The following SLC39A12 variants were observed in gnomAD, a reference collection of about 807,000 sequenced individuals.
The protein encoded by SLC39A12 is zinc transporter ZIP12.
Under a neutral mutation model 71.1 loss-of-function variants are expected in SLC39A12, and 63 were observed. The ratio of observed to expected loss-of-function variants is 0.89; its 90% CI spans 0.72 to 1.09. SLC39A12 has a LOEUF of 1.09. SLC39A12 is among the 50% of genes least tolerant of loss of function. The probability of loss-of-function intolerance (pLI) is 0.00; values close to 1 mark genes in which losing one functional copy is unlikely to be tolerated. For missense variants in SLC39A12, 892 were observed against 812.6 expected, an observed-to-expected ratio of 1.10 and a Z score of -1.19; for synonymous variants, 351 against 301.3, an observed-to-expected ratio of 1.16 and a Z score of -1.71.
intron 4 of SLC39A12, among the ~76,000 whole-genome samples, chr10:17,969,001 T>C (rs569209247): frequency 6.6e-6 from 1 of 152,292 alleles, no homozygotes; most frequent in East Asian, 1.9e-4. Flanking sequence ...GTTTGATTGT[T>C]TTGATTTTTA....
chr10:17,991,412 G>A lies in SLC39A12; in HGVS notation c.1422+109G>A, dbSNP rs925122382. 7 of 817,474 alleles carry A rather than the reference G, an allele frequency of 8.6e-6. No individual in the cohort carries two copies. In the African/African-American group the frequency reaches 1.1e-4, roughly 13 times the overall value. 50.6% of individuals were successfully genotyped at this position (817,474 alleles called of 1,614,324 possible). ...TAATGAAGTTGCCTGTGTAAGGGATGTCTAATGGAATGCTGATTTCAAGAA... is the reference window on the plus strand; with the variant it reads ...TAATGAAGTTGCCTGTGTAAGGGATATCTAATGGAATGCTGATTTCAAGAA... On this transcript the variant is annotated intron_variant, in intron 8 of 12. Coordinates refer to ENST00000377369, the MANE Select transcript of SLC39A12 (RefSeq NM_001145195.2).
chr10:18,009,304 A>T (rs1836131594), intron 12 of SLC39A12, among the ~76,000 whole-genome samples: 1 of 152,136 alleles, frequency 6.6e-6, no homozygotes, highest in African/African-American at 2.4e-5. Context: ...ACCCAAGCTG[A>T]TGGAGGAGCT....
chr10:18,037,289 G>T (rs773948522), intron 12 of SLC39A12, among the ~76,000 whole-genome samples: 7 of 152,168 alleles, frequency 4.6e-5, no homozygotes, highest in Admixed American at 2.6e-4. Flanking sequence ...ATGAAGTGCA[G>T]TGACATTTTT....
chr10:17,957,038 A>C (rs1353302531), intron 2 of SLC39A12, among the ~76,000 whole-genome samples: 5 of 152,178 alleles, frequency 3.3e-5, no homozygotes, highest in African/African-American at 1.2e-4. Flanking sequence ...CACCTTATAG[A>C]AACCTGAGAA....
chr10:17,984,544 T>C (rs997161465), intron 6 of SLC39A12, among the ~76,000 whole-genome samples: 1 of 152,204 alleles, frequency 6.6e-6, no homozygotes, highest in Non-Finnish European at 1.5e-5. Flanking sequence ...TTAATTTATG[T>C]AATAAATGAA....
intron 2 of SLC39A12, among the ~76,000 whole-genome samples, chr10:17,956,920 C>T (rs578254504): frequency 6.6e-6 from 1 of 152,254 alleles, no homozygotes; most frequent in Admixed American, 6.5e-5. Flanking sequence ...CAGTACCTGC[C>T]ATCGGCAACA....
Position 18,042,865 on chromosome 10 carries a change from T to C in SLC39A12, c.*32T>C. 1 of 1,579,416 alleles carries C rather than the reference T, an allele frequency of 6.3e-7. No homozygotes were observed. The highest frequency in any genetic ancestry group is 8.6e-7 in the Non-Finnish European group (1 of 1,161,268). ...ATCTTCAACATCTTTCAAAAATGCA[T>C]TTATATAGTCTTACTTTGTTTCTTT... On this transcript the variant is annotated 3_prime_UTR_variant, in exon 13 of 13. Coordinates refer to ENST00000377369, the MANE Select transcript of SLC39A12 (RefSeq NM_001145195.2).
chr10:17,964,693 A>G (rs1215978394), intron 3 of SLC39A12, among the ~76,000 whole-genome samples: 1 of 152,230 alleles, frequency 6.6e-6, no homozygotes. Flanking sequence ...TTGACATGCA[A>G]TGAGTACACA....
intron 3 of SLC39A12, 92 bp downstream of exon 3, chr10:17,961,954 G>A (rs1177969147): frequency 3.9e-6 from 5 of 1,281,988 alleles, no homozygotes; most frequent in Non-Finnish European, 5.4e-6. Flanking sequence ...AGACATTCAA[G>A]GACTTCTAAG....
At chr10:17,956,943 T>C (rs1446313102) in intron 2 of SLC39A12, among the ~76,000 whole-genome samples, 6 of 152,132 alleles carry the variant, frequency 3.9e-5, no homozygotes. Context: ...CTTCCAGCTC[T>C]TTGTCAGGAA....
chr10:18,033,985 T>C (rs1836926272), intron 12 of SLC39A12, among the ~76,000 whole-genome samples: 1 of 147,568 alleles, frequency 6.8e-6, no homozygotes, highest in Non-Finnish European at 1.5e-5. Context: ...TAATCCTGAG[T>C]TCTAGTTTGA....
chr10:17,990,793 A>G (rs1042338154), intron 7 of SLC39A12, among the ~76,000 whole-genome samples: 1 of 152,252 alleles, frequency 6.6e-6, no homozygotes, highest in African/African-American at 2.4e-5. Context: ...TTGTACAAAC[A>G]GATGCAGATT....
intron 10 of SLC39A12, among the ~76,000 whole-genome samples, chr10:17,996,096 T>C (rs946319356): frequency 2.0e-5 from 3 of 152,230 alleles, no homozygotes; most frequent in African/African-American, 7.2e-5. Flanking sequence ...TTTTTCATCT[T>C]CTAGCACTGT....
Position 18,024,639 on chromosome 10 carries a change from C to T in SLC39A12, c.1948-18066C>T, listed in dbSNP as rs150088882. Among the ~76,000 whole-genome samples the T allele has an allele frequency of 3.3e-3, 499 of 152,292 alleles. 4 individuals are homozygous for T. The highest frequency in any genetic ancestry group is 0.014 in the Middle Eastern group (4 of 294). ...ATGTCTTCTCTCTCAGAGAAGCACA[C>T]GCTAGCTACTTCTAGTGAGCCACCT... On this transcript the variant is annotated intron_variant, in intron 12 of 12. Transcript: ENST00000377369.
chr10:18,017,372 G>A (rs1444929972), intron 12 of SLC39A12, among the ~76,000 whole-genome samples: 5 of 152,126 alleles, frequency 3.3e-5, no homozygotes, highest in Admixed American at 2.6e-4. Flanking sequence ...GCAGTGGCAC[G>A]ATCTTGGCTC....
At chr10:17,970,356 A>G (rs1834936143) in intron 4 of SLC39A12, among the ~76,000 whole-genome samples, 1 of 152,170 alleles carries the variant, frequency 6.6e-6, no homozygotes, top group African/African-American at 2.4e-5. Context: ...GATTGCAATG[A>G]ATCAGTAGAT....
intron 1 of SLC39A12, among the ~76,000 whole-genome samples, chr10:17,952,736 T>C (rs1834435675): frequency 6.6e-6 from 1 of 152,088 alleles, no homozygotes; most frequent in Admixed American, 6.6e-5. Context: ...ATCTGCCTGC[T>C]TCAGCCTCCC....
At chr10:18,037,378 C>G (rs753998547) in intron 12 of SLC39A12, among the ~76,000 whole-genome samples, 3 of 151,852 alleles carry the variant, frequency 2.0e-5, no homozygotes, top group African/African-American at 7.2e-5. Flanking sequence ...TCATAATAGA[C>G]AAGGATGAAT....
chr10:17,993,133 C>T (rs1835597682), intron 8 of SLC39A12, 48 bp from the exon 9 acceptor site: 2 of 1,361,324 alleles, frequency 1.5e-6, no homozygotes, highest in Non-Finnish European at 2.0e-6. Context: ...AAAGACTACA[C>T]CTGTGTTCTT....
Sources: gnomAD v4.1 joint callset for allele counts (sites outside exome capture counted in the v4.1 genomes callset) on GRCh38, gnomAD v4.1.1 for gene constraint, MANE v1.5 for transcripts, NCBI Gene and HGNC (gene_info 2026-07-23, HGNC 2026-07-21) for gene names.